The following HDAC4 variants were observed in gnomAD, a reference collection of about 807,000 sequenced individuals.
The protein encoded by HDAC4 is histone deacetylase A.
HDAC4 carries 16 observed loss-of-function variants against 135.1 expected under a neutral mutation model. The ratio of observed to expected loss-of-function variants is 0.12; its 90% CI spans 0.08 to 0.18. The LOEUF (loss-of-function observed/expected upper bound fraction) is 0.18. HDAC4 is among the 10% of genes least tolerant of loss of function. HDAC4 has a pLI of 1.00. For missense variants in HDAC4, 1,143 were observed against 1,511.8 expected, an observed-to-expected ratio of 0.76 and a Z score of 4.05; for synonymous variants, 685 against 653.4, an observed-to-expected ratio of 1.05 and a Z score of -0.74.
At chr2:239,078,001 T>C (rs2034933518) in intron 22 of HDAC4, among the ~76,000 whole-genome samples, 1 of 152,192 alleles carries the variant, frequency 6.6e-6, no homozygotes, top group South Asian at 2.1e-4. Flanking sequence ...TTGATAAACT[T>C]CGTAATATCA....
chr2:239,360,115 G>T (rs1693763457), intron 1 of HDAC4, among the ~76,000 whole-genome samples: 1 of 152,196 alleles, frequency 6.6e-6, no homozygotes, highest in Admixed American at 6.5e-5. Context: ...AATTAACGGA[G>T]AGTCCCTCCA....
intron 2 of HDAC4, among the ~76,000 whole-genome samples, chr2:239,333,744 CAT>C (rs1691738633): frequency 6.6e-6 from 1 of 152,198 alleles, no homozygotes; most frequent in Admixed American, 6.5e-5. Context: ...TGCAATTTCA[CAT>C]GACTCCATCT....
At chr2:239,288,275 G>A (rs1473978360) in intron 2 of HDAC4, among the ~76,000 whole-genome samples, 2 of 152,188 alleles carry the variant, frequency 1.3e-5, no homozygotes, top group African/African-American at 4.8e-5. Flanking sequence ...AAAGCATTTG[G>A]CTAATGGAAC....
chr2:239,294,624 C>T (rs926436491), intron 2 of HDAC4, among the ~76,000 whole-genome samples: 1 of 152,002 alleles, frequency 6.6e-6, no homozygotes, highest in Non-Finnish European at 1.5e-5. Flanking sequence ...TTTGTGGGCA[C>T]CCCAGAATTC....
chr2:239,081,994 G>T, intron 21 of HDAC4, 108 bp downstream of exon 21: 1 of 1,201,374 alleles, frequency 8.3e-7, no homozygotes, highest in Non-Finnish European at 1.2e-6. Flanking sequence ...TGAGCACGAA[G>T]GCCGCACTCA....
chr2:239,083,211 G>A lies in HDAC4; in HGVS notation c.2532+944C>T, dbSNP rs145305959. Among the ~76,000 whole-genome samples the A allele has an allele frequency of 7.6e-4, 116 of 152,360 alleles. 1 individual carries two copies. Among genetic ancestry groups the A allele is most frequent in the South Asian group, 1.4e-3 (7 of 4,832 alleles). On this transcript the variant is annotated intron_variant, in intron 20 of 26. Transcript: ENST00000543185. ...ACGCCACACAGGGTCTACGCAGCCT[G>A]TCTGCGTGTCCTAGCGCTTCACTCT...
In HDAC4 at chr2:239,113,451, C is replaced by T. The variant is rs932931056; in HGVS notation, c.1791+1602G>A. Among the ~76,000 whole-genome samples, 3 of 152,338 alleles carry T rather than the reference C, an allele frequency of 2.0e-5. No individual in the cohort carries two copies. The East Asian group carries it at 5.8e-4, about 29-fold the overall frequency. Reference sequence around the variant, plus strand: ...AATAAGCAATCCTCCCCGACGCGGGCTGGAGGTGCCCCGCCTTATGTTTAC... The same window carrying T: ...AATAAGCAATCCTCCCCGACGCGGGTTGGAGGTGCCCCGCCTTATGTTTAC... On this transcript the variant is annotated intron_variant, in intron 13 of 26. Transcript: ENST00000543185.
At chr2:239,356,457 T>C (rs965955566) in intron 1 of HDAC4, among the ~76,000 whole-genome samples, 7 of 152,178 alleles carry the variant, frequency 4.6e-5, no homozygotes, top group Non-Finnish European at 1.0e-4. Flanking sequence ...GGAGGCTCTG[T>C]GTTTTATAAC....
intron 4 of HDAC4, among the ~76,000 whole-genome samples, chr2:239,176,990 T>A (rs1225857505): frequency 6.6e-6 from 1 of 152,080 alleles, no homozygotes; most frequent in Admixed American, 6.5e-5. Context: ...TAGCTATTTA[T>A]CCGAAACACG....
rs374897753 is a variant in HDAC4, at chr2:239,139,713, C to T, written c.949G>A (p.Ala317Thr). The T allele has an allele frequency of 1.9e-5, 31 of 1,614,084 alleles. No individual in the cohort carries two copies. The highest frequency in any genetic ancestry group is 1.9e-4 in the African/African-American group (14 of 75,070). Residue 317 changes from alanine to threonine, a missense_variant, in exon 9 of 27, where the codon GCG (alanine) becomes ACG (threonine). By Grantham distance (58) the Ala-to-Thr change is moderately conservative. This residue lies in a region of HDAC4 where 272 missense variants were observed against 309.7 expected (regional missense o/e 0.88). Coordinates refer to ENST00000543185, the MANE Select transcript of HDAC4 (RefSeq NM_001378414.1). The surrounding 1 kb of genome is among the most constrained non-coding windows in gnomAD (Gnocchi z 5.3). ...SGSVSAENGI[A>T]PAVPSIPAET... ...GCCGGGATGCTGGGGACGGCGGGCG[C>T]GATACCGTTCTCCGCGCTGACGCTC...
At chr2:239,144,779 T>C in intron 7 of HDAC4, 65 bp from the exon 8 acceptor site, 1 of 1,581,698 alleles carries the variant, frequency 6.3e-7, no homozygotes, top group Non-Finnish European at 8.7e-7. Flanking sequence ...ATCCTGTTGG[T>C]GGTTTTTTAA....
chr2:239,385,362 G>GCCT (rs1185115434), intron 1 of HDAC4, among the ~76,000 whole-genome samples: 1 of 152,242 alleles, frequency 6.6e-6, no homozygotes, highest in African/African-American at 2.4e-5. Flanking sequence ...GGTTCCGGGG[G>GCCT]CCTCCGGGTC....
intron 11 of HDAC4, among the ~76,000 whole-genome samples, chr2:239,130,810 C>T (rs1050587259): frequency 3.3e-5 from 5 of 152,206 alleles, no homozygotes; most frequent in Non-Finnish European, 7.3e-5. Context: ...CCCTGTCTCT[C>T]GGGTCCTGAC....
At chr2:239,381,564 C>T (rs1462596264) in intron 1 of HDAC4, among the ~76,000 whole-genome samples, 1 of 152,212 alleles carries the variant, frequency 6.6e-6, no homozygotes, top group Non-Finnish European at 1.5e-5. Flanking sequence ...TTCAAAATTA[C>T]TATTTAAGTT....
chr2:239,172,512 T>G (rs183555343), intron 5 of HDAC4, among the ~76,000 whole-genome samples: 1 of 152,160 alleles, frequency 6.6e-6, no homozygotes, highest in East Asian at 1.9e-4. Context: ...TAAAGTTGCA[T>G]TTAGAGGAAA....
At chr2:239,327,199 C>T (rs1388120178) in intron 2 of HDAC4, among the ~76,000 whole-genome samples, 2 of 152,244 alleles carry the variant, frequency 1.3e-5, no homozygotes, top group African/African-American at 4.8e-5. Flanking sequence ...CCTGGGGCAC[C>T]TGGCTTTGCC....
intron 2 of HDAC4, among the ~76,000 whole-genome samples, chr2:239,350,942 T>G (rs1032305349): frequency 1.3e-5 from 2 of 152,230 alleles, no homozygotes; most frequent in African/African-American, 2.4e-5. Context: ...TACAAAAATA[T>G]GCACCCCCAT....
At chr2:239,169,397 A>C (rs867023997) in intron 5 of HDAC4, among the ~76,000 whole-genome samples, 1 of 152,224 alleles carries the variant, frequency 6.6e-6, no homozygotes, top group Non-Finnish European at 1.5e-5. Context: ...CACAGGCCAG[A>C]CAAGTCAAAG....
At chr2:239,381,145 C>T (rs866237517) in intron 1 of HDAC4, among the ~76,000 whole-genome samples, 3 of 152,220 alleles carry the variant, frequency 2.0e-5, no homozygotes, top group African/African-American at 4.8e-5. Context: ...CCAAGAGTCA[C>T]GGAGCTGCCT....
Sources: allele counts gnomAD v4.1 joint callset (sites outside exome capture counted in the v4.1 genomes callset), GRCh38; gene constraint gnomAD v4.1.1; regional missense constraint gnomAD v4.1.1; non-coding constraint Gnocchi (gnomAD v3.1); transcripts MANE v1.5; gene names NCBI Gene and HGNC (gene_info 2026-07-23, HGNC 2026-07-21).